FOXP2: variants seen among roughly 807,000 people sequenced by gnomAD.
FOXP2 encodes the protein forkhead box P2, also known as forkhead box protein P2.
In FOXP2, 12 loss-of-function variants were observed where a neutral mutation model predicts 115.8. The ratio of observed to expected loss-of-function variants is 0.10; its 90% CI spans 0.07 to 0.17. The LOEUF is 0.17. Among genes scored for constraint, FOXP2 ranks in the 10% least tolerant of loss-of-function variants. The pLI is 1.00. For synonymous variants in FOXP2, 328 were observed against 297.7 expected (o/e 1.10, Z -1.05); for missense variants, 629 against 843.5 (o/e 0.75, Z 3.15).
chr7:114,435,870 TTAGA>T (rs1794321802), intron 2 of FOXP2, among the ~76,000 whole-genome samples: 1 of 152,146 alleles, frequency 6.6e-6, no homozygotes, highest in Admixed American at 6.6e-5. Context: ...TCTGCAGGTG[TTAGA>T]TAGCCGTTAA....
At chr7:114,089,482 T>C (rs1799498930) in intron 1 of FOXP2, among the ~76,000 whole-genome samples, 1 of 152,050 alleles carries the variant, frequency 6.6e-6, no homozygotes, top group African/African-American at 2.4e-5. Context: ...TTTATAATGT[T>C]AGGAATTGCC....
At position 114,176,298 on chromosome 7, in the gene FOXP2, T is replaced by TTCTTTCTTTCTTTCTTTC. The variant is rs368923204; in HGVS notation, c.-102+13213_-102+13214insTTCTTTCTTTCTTTCTCT. Reference sequence around the variant, plus strand: ...TTTCTTTCTTTCTTTCTTTCTTTCTTTCTCTCTCTCTCTCTCTCTCTCTTT... The same window carrying TTCTTTCTTTCTTTCTTTC: ...TTTCTTTCTTTCTTTCTTTCTTTCTTTCTTTCTTTCTTTCTTTCTCTCTCTCTCTCTCTCTCTCTCTTT... On this transcript the variant is annotated intron_variant, in intron 1 of 17. Transcript: ENST00000634411. Among the ~76,000 whole-genome samples, 730 of 76,490 alleles carry TTCTTTCTTTCTTTCTTTC rather than the reference T, an allele frequency of 9.5e-3. 7 individuals carry two copies. The highest frequency in any genetic ancestry group is 0.024 in the African/African-American group (448 of 18,468). 50.2% of individuals were successfully genotyped at this position (76,490 alleles called of 152,430 possible).
chr7:114,322,406 T>G (rs1193696283), intron 2 of FOXP2, among the ~76,000 whole-genome samples: 1 of 151,806 alleles, frequency 6.6e-6, no homozygotes, highest in East Asian at 2.0e-4. Context: ...GTCCCTGCAC[T>G]TTGGGAGGCC....
chr7:114,086,748 A>T (rs1398017935), upstream of FOXP2: 1 of 232,806 alleles, frequency 4.3e-6, no homozygotes, highest in Admixed American at 6.4e-5. Context: ...TTCGCCCCAA[A>T]GGCAGCGCCC....
At chr7:114,613,269 C>G (rs117258075) in intron 3 of FOXP2, among the ~76,000 whole-genome samples, 479 of 152,258 alleles carry the variant, frequency 3.1e-3, no homozygotes, top group Admixed American at 4.4e-3. Flanking sequence ...GTTCCCTTCC[C>G]TAGAGACAAC....
chr7:114,290,053 A>T, intron 2 of FOXP2, among the ~76,000 whole-genome samples: 1 of 151,956 alleles, frequency 6.6e-6, no homozygotes, highest in Admixed American at 6.6e-5. Context: ...CTCAAAGAGT[A>T]AAATAGGGGA....
Position 114,592,304 on chromosome 7 carries a change from A to G in FOXP2, c.259-36236A>G, listed in dbSNP as rs117857399. Among the ~76,000 whole-genome samples the G allele has an allele frequency of 9.5e-3, 1,448 of 152,092 alleles. 13 individuals are homozygous for G. The highest frequency in any genetic ancestry group is 0.014 in the Non-Finnish European group (974 of 67,920). ...ATCAGTCTTATATTTTTACTTTATT[A>G]TTTTGAATTCTCCCCATATGCTATT... On this transcript the variant is annotated intron_variant, in intron 3 of 16. Transcript: ENST00000350908.
chr7:114,194,944 G>T (rs1009364877), intron 1 of FOXP2, among the ~76,000 whole-genome samples: 9 of 152,030 alleles, frequency 5.9e-5, no homozygotes, highest in Admixed American at 2.6e-4. Context: ...TGTCAGAATA[G>T]TTCATATATT....
At position 114,099,906 on chromosome 7, in the gene FOXP2, T is replaced by C. The variant is rs7811628; in HGVS notation, c.-247+12068T>C. Among the ~76,000 whole-genome samples the C allele has an allele frequency of 6.1e-3, 936 of 152,304 alleles. 4 individuals are homozygous for C. The highest frequency in any genetic ancestry group is 0.022 in the African/African-American group (894 of 41,568). The stretch of plus-strand genomic sequence containing the variant: ...TTGGGATTCATTTAACTGAAGATTT[T>C]AGCTGGTCCTGCCAGCAAATCAAAA... On this transcript the variant is annotated intron_variant, in intron 1 of 19. Transcript: ENST00000635638.
In FOXP2 at chr7:114,260,190, C is replaced by CTT. The variant is rs373335036; in HGVS notation, c.-101-27814_-101-27813dup. On this transcript the variant is annotated intron_variant, in intron 1 of 17. Coordinates refer to the FOXP2 transcript ENST00000634411. ...ACAGATGTGAGCCACTGCGCCCAGCCTTTTTTTTTTTTTTTTACATAAACA... is the reference window on the plus strand; with the variant it reads ...ACAGATGTGAGCCACTGCGCCCAGCCTTTTTTTTTTTTTTTTTTACATAAACA... 1.9e-3 allele frequency among the ~76,000 whole-genome samples: 259 copies of CTT among 136,804 alleles called. 1 individual carries two copies. The highest frequency in any genetic ancestry group is 5.7e-3 in the African/African-American group (212 of 37,344). The allele number at this position is 136,804 out of a possible 152,430, so 89.7% of individuals were successfully genotyped here. A position where few individuals can be genotyped will look rare whatever the true frequency, so the allele number is the denominator to read the frequency against.
chr7:114,510,841 C>A lies in FOXP2; in HGVS notation c.169-23776C>A, dbSNP rs145284946. ...GAAACAGAAATACCATCTGACCCAG[C>A]AATCCCATTACTGGGTATATACCCA... On this transcript the variant is annotated intron_variant, in intron 2 of 16. Coordinates refer to ENST00000350908, the MANE Select transcript of FOXP2 (RefSeq NM_014491.4). 5.7e-3 allele frequency among the ~76,000 whole-genome samples: 868 copies of A among 152,284 alleles called. 6 individuals are homozygous for A. The highest frequency in any genetic ancestry group is 0.019 in the African/African-American group (804 of 41,562).
At chr7:114,565,040 AGAACT>A (rs1169486630) in intron 3 of FOXP2, among the ~76,000 whole-genome samples, 1 of 151,738 alleles carries the variant, frequency 6.6e-6, no homozygotes, top group Non-Finnish European at 1.5e-5. Flanking sequence ...AAATATTTTG[AGAACT>A]GAATCTCAAT....
chr7:114,346,884 G>T (rs1000554856), intron 2 of FOXP2, among the ~76,000 whole-genome samples: 1 of 151,818 alleles, frequency 6.6e-6, no homozygotes, highest in Non-Finnish European at 1.5e-5. Flanking sequence ...GTACTGTAGG[G>T]TGAGTGGAAG....
At chr7:114,421,578 A>T (rs1793623956) in intron 1 of FOXP2, among the ~76,000 whole-genome samples, 1 of 151,696 alleles carries the variant, frequency 6.6e-6, no homozygotes, top group Non-Finnish European at 1.5e-5. Context: ...AGTAACAAAT[A>T]CTTAATAAAC....
At chr7:114,125,002 A>G (rs1048196701) in intron 1 of FOXP2, among the ~76,000 whole-genome samples, 1 of 152,136 alleles carries the variant, frequency 6.6e-6, no homozygotes, top group Admixed American at 6.6e-5. Flanking sequence ...CACAGCTAGA[A>G]AGCAGCAAAA....
At chr7:114,632,983 T>C (rs1306433762) in intron 6 of FOXP2, among the ~76,000 whole-genome samples, 2 of 152,090 alleles carry the variant, frequency 1.3e-5, no homozygotes, top group Non-Finnish European at 2.9e-5. Flanking sequence ...AAAGAGTTTA[T>C]AAAATTATTT....
chr7:114,342,162 A>G (rs1791233583), intron 2 of FOXP2, among the ~76,000 whole-genome samples: 1 of 151,398 alleles, frequency 6.6e-6, no homozygotes, highest in Admixed American at 6.6e-5. Context: ...TTGAACTTGG[A>G]AAGACCAACC....
intron 2 of FOXP2, among the ~76,000 whole-genome samples, chr7:114,379,773 T>C (rs1298361208): frequency 6.6e-6 from 1 of 152,216 alleles, no homozygotes; most frequent in Non-Finnish European, 1.5e-5. Flanking sequence ...CCTGACTATC[T>C]GCTTGATAGT....
chr7:114,271,876 T>C (rs1362249209), intron 1 of FOXP2, among the ~76,000 whole-genome samples: 1 of 125,898 alleles, frequency 7.9e-6, no homozygotes, highest in Non-Finnish European at 1.6e-5. Context: ...TATAATATGA[T>C]TATTAATTAT....
Sources: gnomAD v4.1 joint callset for allele counts (sites outside exome capture counted in the v4.1 genomes callset) on GRCh38, gnomAD v4.1.1 for gene constraint, MANE v1.5 for transcripts, NCBI Gene and HGNC (gene_info 2026-07-23, HGNC 2026-07-21) for gene names.